The following RPL24 variants were observed in gnomAD, a reference collection of about 807,000 sequenced individuals.
RPL24 encodes large ribosomal subunit protein eL24.
RPL24 carries 7 observed loss-of-function variants against 26.4 expected under a neutral mutation model. The ratio of observed to expected loss-of-function variants is 0.27; its 90% CI spans 0.15 to 0.50. The LOEUF is 0.50. Ranked by LOEUF, RPL24 falls within the 20% of genes least tolerant of loss-of-function variation. The pLI is 0.98. For missense variants in RPL24, 109 were observed against 194.9 expected (o/e 0.56, Z 2.62); for synonymous variants, 67 against 65.2 (o/e 1.03, Z -0.13).
chr3:101,682,692 T>TG, intron 4 of RPL24, 79 bp downstream of exon 4: 1 of 1,396,046 alleles, frequency 7.2e-7, no homozygotes, highest in South Asian at 1.2e-5. Flanking sequence ...TTAATCTATA[T>TG]GGTAACTTTA....
chr3:101,682,291 G>A (rs535817654), intron 5 of RPL24, 138 bp downstream of exon 5: 12 of 711,102 alleles, frequency 1.7e-5, no homozygotes, highest in East Asian at 2.7e-5. Context: ...ACTTGAACCC[G>A]GGAGGCAGAG....
intron 4 of RPL24, 114 bp from the exon 5 acceptor site, chr3:101,682,606 C>T (rs1937277695): frequency 8.9e-7 from 1 of 1,121,684 alleles, no homozygotes; most frequent in South Asian, 1.4e-5. Context: ...TCCTTCCCTA[C>T]CTCCATTTAT....
Position 101,686,695 on chromosome 3 carries a change from A to G in RPL24, c.-19T>C, listed in dbSNP as rs1937349445. ...ACTTCATGGCGACAGCTCCACGGAA[A>G]GACAAAAGATGGCGAAAAGAAAGAG... On this transcript the variant is annotated 5_prime_UTR_variant, in exon 1 of 6. Coordinates refer to ENST00000394077, the MANE Select transcript of RPL24 (RefSeq NM_000986.4). 1 of 1,614,226 alleles carries G rather than the reference A, an allele frequency of 6.2e-7. No individual in the cohort carries two copies. Among genetic ancestry groups the G allele is most frequent in the East Asian group, 2.2e-5 (1 of 44,878 alleles).
intron 2 of RPL24, chr3:101,686,262 C>T: frequency 1.7e-6 from 1 of 589,576 alleles, no homozygotes; most frequent in East Asian, 2.8e-5. Context: ...ACCGGGACAT[C>T]AGTTACATAA....
At position 101,684,310 on chromosome 3, in the gene RPL24, C is replaced by T. The variant is rs1182435910; in HGVS notation, c.193-1403G>A. Among the ~76,000 whole-genome samples the T allele has an allele frequency of 3.3e-5, 5 of 152,130 alleles. No homozygotes were observed. The East Asian group carries it at 9.7e-4, about 29-fold the overall frequency. ...CCTCCCAAGTAGCTGGGACTACAGG[C>T]ACCTGCCACCATGTCCGGCTAATTT... On this transcript the variant is annotated intron_variant, in intron 3 of 5. Coordinates refer to ENST00000394077, the MANE Select transcript of RPL24 (RefSeq NM_000986.4).
intron 5 of RPL24, chr3:101,681,600 CT>C (rs1937263533): frequency 6.0e-6 from 1 of 166,918 alleles, no homozygotes; most frequent in Non-Finnish European, 1.3e-5. Context: ...CATCCCAACA[CT>C]TCGGGGTGCT....
Position 101,686,718 on chromosome 3 carries a change from G to C in RPL24, c.-42C>G, listed in dbSNP as rs759028486. On this transcript the variant is annotated 5_prime_UTR_variant, in exon 1 of 6. Coordinates refer to ENST00000394077, the MANE Select transcript of RPL24 (RefSeq NM_000986.4). ...AAAGACAAAAGATGGCGAAAAGAAA[G>C]AGAGAATCATGGGAAGAGACCTTAT... is the stretch of plus-strand genomic sequence containing the variant. 13 of 1,613,112 alleles carry C rather than the reference G, an allele frequency of 8.1e-6. No homozygotes were observed. The highest frequency in any genetic ancestry group is 4.5e-5 in the East Asian group (2 of 44,534).
At chr3:101,683,415 T>G (rs996868780) in intron 3 of RPL24, among the ~76,000 whole-genome samples, 2 of 152,196 alleles carry the variant, frequency 1.3e-5, no homozygotes. Context: ...CAGTGCACCT[T>G]TAAGTCAAGA....
rs780211272 is a variant in RPL24, at chr3:101,681,091, TAG to T, written c.*42_*43del. ...GAAAAAAAAAAAATCCAGCACAACC[TAG>T]AGTTATAATCCAATCTTTATTTAAA... On this transcript the variant is annotated 3_prime_UTR_variant, in exon 6 of 6. Coordinates refer to ENST00000394077, the MANE Select transcript of RPL24 (RefSeq NM_000986.4). 2 of 1,383,078 alleles carry T rather than the reference TAG, an allele frequency of 1.4e-6. No homozygotes were observed. Among genetic ancestry groups the T allele is most frequent in the Admixed American group, 3.4e-5 (2 of 58,318 alleles). The allele number at this position is 1,383,078 out of a possible 1,614,324, so 85.7% of individuals were successfully genotyped here.
At chr3:101,686,164 A>AAC (rs1937339075) in intron 2 of RPL24, 2 of 577,128 alleles carry the variant, frequency 3.5e-6, no homozygotes, top group Non-Finnish European at 6.2e-6. Flanking sequence ...AGCAAAGGAC[A>AAC]GGGTGGTGCG....
At chr3:101,684,776 CAAAAAAAAAAAAAAAAAAAAAA>C (rs57278210) in intron 3 of RPL24, among the ~76,000 whole-genome samples, 14 of 53,216 alleles carry the variant, frequency 2.6e-4, no homozygotes, top group South Asian at 1.0e-3. Context: ...CCTGTCTCCC[CAAAAAAAAAAAAAAAAAAAAAA>C]AAAAAAAAAA....
At chr3:101,682,683 T>C in intron 4 of RPL24, 88 bp downstream of exon 4, 2 of 1,330,696 alleles carry the variant, frequency 1.5e-6, no homozygotes, top group Admixed American at 2.1e-5. Flanking sequence ...TAACATATAT[T>C]AATCTATATG....
chr3:101,682,291 G>C (rs535817654), intron 5 of RPL24, 138 bp downstream of exon 5: 2 of 710,986 alleles, frequency 2.8e-6, no homozygotes, highest in African/African-American at 1.8e-5. Context: ...ACTTGAACCC[G>C]GGAGGCAGAG....
intron 5 of RPL24, chr3:101,681,452 T>C (rs1280509061): frequency 2.0e-6 from 1 of 499,958 alleles, no homozygotes; most frequent in Non-Finnish European, 3.6e-6. Context: ...CCAAGTGCAG[T>C]GTAGGATCCT....
Position 101,685,804 on chromosome 3 carries a change from C to G in RPL24, c.192+14G>C, listed in dbSNP as rs1480462888. The G allele has an allele frequency of 7.0e-7, 1 of 1,437,882 alleles. No individual in the cohort carries two copies. Among genetic ancestry groups the G allele is most frequent in the African/African-American group, 1.4e-5 (1 of 71,274 alleles). 89.1% of individuals were successfully genotyped at this position (1,437,882 alleles called of 1,614,324 possible). On this transcript the variant is annotated intron_variant, in intron 3 of 5. Coordinates refer to ENST00000394077, the MANE Select transcript of RPL24 (RefSeq NM_000986.4). Reference sequence around the variant, plus strand: ...TAAGAGATAGCCCCCAACATCAAGGCGTATTCCACTTACCGACTGTCCCTT... The same window carrying G: ...TAAGAGATAGCCCCCAACATCAAGGGGTATTCCACTTACCGACTGTCCCTT...
chr3:101,683,800 CA>C (rs1937294203), intron 3 of RPL24, among the ~76,000 whole-genome samples: 1 of 151,714 alleles, frequency 6.6e-6, no homozygotes, highest in Admixed American at 6.6e-5. Context: ...CCTCCGCCTC[CA>C]CCTCCGGGGT....
intron 3 of RPL24, among the ~76,000 whole-genome samples, chr3:101,684,788 A>ACCC (rs1559993226): frequency 1.3e-5 from 1 of 79,684 alleles, no homozygotes; most frequent in African/African-American, 4.1e-5. Flanking sequence ...AAAAAAAAAA[A>ACCC]AAAAAAAAAA....
chr3:101,685,263 T>C (rs1937321506), intron 3 of RPL24, among the ~76,000 whole-genome samples: 1 of 152,220 alleles, frequency 6.6e-6, no homozygotes, highest in East Asian at 1.9e-4. Flanking sequence ...ACATATTTTA[T>C]GTCTGATGGC....
chr3:101,682,574 C>T, intron 4 of RPL24, 82 bp from the exon 5 acceptor site: 1 of 1,237,914 alleles, frequency 8.1e-7, no homozygotes, highest in Non-Finnish European at 1.2e-6. Flanking sequence ...CTGTACTGGA[C>T]AAGTACAATG....
Sources: allele counts gnomAD v4.1 joint callset (sites outside exome capture counted in the v4.1 genomes callset), GRCh38; gene constraint gnomAD v4.1.1; transcripts MANE v1.5; gene names NCBI Gene and HGNC (gene_info 2026-07-23, HGNC 2026-07-21).